Variants in TMPRSS9 observed in about 807,000 individuals in gnomAD.
TMPRSS9 encodes transmembrane protease serine 9.
Under a neutral mutation model 111.4 loss-of-function variants are expected in TMPRSS9, and 113 were observed. The ratio of observed to expected loss-of-function variants is 1.01; its 90% CI spans 0.87 to 1.19. The LOEUF (loss-of-function observed/expected upper bound fraction) is 1.19. Among genes scored for constraint, TMPRSS9 ranks in the 50% most tolerant of loss-of-function variants. TMPRSS9 has a pLI of 0.00. For missense variants in TMPRSS9, 1,803 were observed against 1,513.1 expected (o/e 1.19, Z -3.18); for synonymous variants, 805 against 659.1 (o/e 1.22, Z -3.39).
chr19:2,422,073 A>G (rs1027256025), exon 14 of TMPRSS9: 1 of 1,609,886 alleles, frequency 6.2e-7, no homozygotes, highest in Middle Eastern at 1.7e-4. Context: ...CAGCCCCAGG[A>G]CGACAGCTGG....
chr19:2,398,847 C>T (rs888182017), exon 3 of TMPRSS9: 56 of 1,514,130 alleles, frequency 3.7e-5, no homozygotes, highest in Admixed American at 2.4e-4. Context: ...GTGGGTTGCT[C>T]GGTACTGAAT....
exon 4 of TMPRSS9, chr19:2,399,080 C>T (rs368331557): frequency 1.4e-5 from 22 of 1,613,582 alleles, no homozygotes; most frequent in East Asian, 2.2e-5. Context: ...CCCCTCCAGA[C>T]GCTGAGCCTG....
At chr19:2,395,790 G>A (rs1599290720) in intron 1 of TMPRSS9, among the ~76,000 whole-genome samples, 1 of 152,146 alleles carries the variant, frequency 6.6e-6, no homozygotes, top group East Asian at 1.9e-4. Flanking sequence ...GGCGGATCAC[G>A]AGGTCAGGAG....
chr19:2,425,171 C>T (rs377312020), exon 16 of TMPRSS9: 12 of 1,557,732 alleles, frequency 7.7e-6, no homozygotes, highest in African/African-American at 2.7e-5. Flanking sequence ...GCGTCGCAGC[C>T]GCCTGGTGCG....
intron 8 of TMPRSS9, among the ~76,000 whole-genome samples, chr19:2,409,375 C>G (rs1386096532): frequency 6.6e-6 from 1 of 151,912 alleles, no homozygotes; most frequent in Non-Finnish European, 1.5e-5. Context: ...ATCTCCTGAC[C>G]TCGTGATCTT....
intron 1 of TMPRSS9, among the ~76,000 whole-genome samples, chr19:2,373,665 A>AAT (rs1481669619): frequency 6.6e-6 from 1 of 152,070 alleles, no homozygotes; most frequent in African/African-American, 2.4e-5. Context: ...ATGCCCAGCT[A>AAT]ATATTCGTAT....
intron 14 of TMPRSS9, among the ~76,000 whole-genome samples, chr19:2,422,735 A>T (rs533718972): frequency 3.3e-5 from 5 of 152,272 alleles, no homozygotes; most frequent in Admixed American, 6.5e-5. Flanking sequence ...AAAAATAAAT[A>T]AAAAAAGCCA....
intron 9 of TMPRSS9, among the ~76,000 whole-genome samples, chr19:2,413,400 C>T (rs1464818891): frequency 6.6e-6 from 1 of 152,164 alleles, no homozygotes; most frequent in Non-Finnish European, 1.5e-5. Flanking sequence ...TATCAAAGAT[C>T]TACTGAGTTA....
chr19:2,373,426 T>C (rs564272155), intron 1 of TMPRSS9, among the ~76,000 whole-genome samples: 15 of 151,610 alleles, frequency 9.9e-5, no homozygotes, highest in Non-Finnish European at 1.2e-4. Context: ...GATAGGGTTT[T>C]GTGATGTTGG....
chr19:2,378,986 C>A (rs1970359656), intron 1 of TMPRSS9, among the ~76,000 whole-genome samples: 1 of 152,028 alleles, frequency 6.6e-6, no homozygotes, highest in Non-Finnish European at 1.5e-5. Flanking sequence ...TGATCTCCAC[C>A]TAGTCCCTCC....
At chr19:2,391,846 A>G (rs1423636107) in intron 1 of TMPRSS9, among the ~76,000 whole-genome samples, 1 of 150,812 alleles carries the variant, frequency 6.6e-6, no homozygotes, top group East Asian at 2.0e-4. Flanking sequence ...GGTTCAAGCG[A>G]TTCTCCTGCC....
chr19:2,393,898 CAAAAAAA>C (rs34160378), intron 1 of TMPRSS9, among the ~76,000 whole-genome samples: 10 of 63,596 alleles, frequency 1.6e-4, no homozygotes, highest in African/African-American at 5.0e-4. Context: ...ACCATGTCTC[CAAAAAAA>C]AAAAAAAAAA....
At position 2,410,346 on chromosome 19, in the gene TMPRSS9, C is replaced by T. The variant is rs753258256; in HGVS notation, c.1206C>T (p.Asp402=). 8.1e-6 allele frequency: 13 copies of T among 1,614,108 alleles called. No individual in the cohort carries two copies. In the South Asian group the frequency reaches 1.4e-4, roughly 18 times the overall value. Residue 402 remains aspartate (D), a synonymous_variant, in exon 9 of 18, where the codon GAC becomes GAT. Coordinates refer to ENST00000648592, the Ensembl canonical transcript of TMPRSS9. The stretch of plus-strand genomic sequence containing the variant: ...GCTTGTACGGCCATTCACTCACTGA[C>T]AGGATGGTGTGCGCTGGCTACCTGG...
Position 2,396,736 on chromosome 19 carries a change from T to C in TMPRSS9, c.270+70T>C, listed in dbSNP as rs1023008550. The C allele has an allele frequency of 2.6e-6, 4 of 1,527,170 alleles. No homozygotes were observed. In the African/African-American group the frequency reaches 5.4e-5, roughly 21 times the overall value. The allele number at this position is 1,527,170 out of a possible 1,614,324, so 94.6% of individuals were successfully genotyped here. A position where few individuals can be genotyped will look rare whatever the true frequency, so the allele number is the denominator to read the frequency against. On this transcript the variant is annotated intron_variant, in intron 2 of 17. Coordinates refer to ENST00000648592, the Ensembl canonical transcript of TMPRSS9. ...GCCGGGGGCTTTGACCTGGAGGTGC[T>C]TTCCGTGTGGGAGGGAGGCAGGCCA... is the stretch of plus-strand genomic sequence containing the variant.
chr19:2,385,174 GGGGGCGGGGCTCGC>G (rs1488710144), upstream of TMPRSS9, among the ~76,000 whole-genome samples: 74 of 127,566 alleles, frequency 5.8e-4, 1 homozygote, highest in African/African-American at 2.6e-3. Context: ...GGGGCTCGCG[GGGGGCGGGGCTCGC>G]GGGGGCGGGG....
intron 1 of TMPRSS9, among the ~76,000 whole-genome samples, chr19:2,375,327 A>G (rs1043966318): frequency 1.3e-5 from 2 of 152,198 alleles, no homozygotes; most frequent in Admixed American, 6.6e-5. Context: ...TGCTTGGGTC[A>G]TATGCAACCT....
At chr19:2,408,380 G>A (rs1971016267) in exon 8 of TMPRSS9, 1 of 1,613,538 alleles carries the variant, frequency 6.2e-7, no homozygotes, top group Non-Finnish European at 8.5e-7. Flanking sequence ...CGAAGTGGGT[G>A]GCCTACGTGG....
chr19:2,410,477 TG>T, intron 9 of TMPRSS9, 83 bp downstream of exon 10: 1 of 1,535,978 alleles, frequency 6.5e-7, no homozygotes, highest in African/African-American at 1.4e-5. Context: ...CACAGATATC[TG>T]GATGCCCGCT....
intron 4 of TMPRSS9, among the ~76,000 whole-genome samples, chr19:2,399,659 G>T (rs756255154): frequency 2.6e-5 from 4 of 151,986 alleles, no homozygotes; most frequent in Non-Finnish European, 5.9e-5. Flanking sequence ...ATCTTGTTCT[G>T]TAAAGAGCCA....
Sources: gnomAD v4.1 joint callset for allele counts (sites outside exome capture counted in the v4.1 genomes callset) on GRCh38, gnomAD v4.1.1 for gene constraint, MANE v1.5 for transcripts, NCBI Gene and HGNC (gene_info 2026-07-23, HGNC 2026-07-21) for gene names.